TRIM14: variants seen among roughly 807,000 people sequenced by gnomAD.
TRIM14 encodes tripartite motif containing 14, also known as tripartite motif-containing protein 14.
TRIM14 carries 28 observed loss-of-function variants against 44.5 expected under a neutral mutation model. That is an observed-to-expected ratio of 0.63 (90% CI 0.47 to 0.86). The LOEUF is 0.86. Among genes scored for constraint, TRIM14 ranks in the 40% least tolerant of loss-of-function variants. The pLI is 0.00. For missense variants in TRIM14, 607 were observed against 611.1 expected, an observed-to-expected ratio of 0.99 and a Z score of 0.07; for synonymous variants, 299 against 269.2, an observed-to-expected ratio of 1.11 and a Z score of -1.08.
chr9:98,108,188 A>G (rs774530730), intron 2 of TRIM14, among the ~76,000 whole-genome samples: 6 of 150,918 alleles, frequency 4.0e-5, no homozygotes, highest in East Asian at 2.0e-4. Flanking sequence ...AACTTCCTCT[A>G]AATCTATAAA....
At chr9:98,088,392 T>C (rs1388889764) in intron 5 of TRIM14, among the ~76,000 whole-genome samples, 1 of 152,166 alleles carries the variant, frequency 6.6e-6, no homozygotes, top group African/African-American at 2.4e-5. Flanking sequence ...TCTCGCTCTG[T>C]TGCCCAGGCT....
chr9:98,098,673 C>T (rs968204471), intron 3 of TRIM14, among the ~76,000 whole-genome samples: 31 of 151,950 alleles, frequency 2.0e-4, no homozygotes, highest in Non-Finnish European at 3.8e-4. Flanking sequence ...CACTGCACTC[C>T]AGCCTGGGCG....
chr9:98,081,853 A>C (rs1191574071), downstream of TRIM14: 1 of 152,228 alleles, frequency 6.6e-6, no homozygotes, highest in African/African-American at 2.4e-5. Context: ...AGATGCATCT[A>C]TACCAGGAAA....
intron 3 of TRIM14, among the ~76,000 whole-genome samples, chr9:98,098,769 T>C (rs1036477204): frequency 6.6e-6 from 1 of 152,070 alleles, no homozygotes; most frequent in Non-Finnish European, 1.5e-5. Flanking sequence ...AATGTAGCAA[T>C]GACTATCCCT....
At chr9:98,065,283 TTTAAAGTG>T (rs1368472638), downstream of TRIM14, among the ~76,000 whole-genome samples, 1 of 151,274 alleles carries the variant, frequency 6.6e-6, no homozygotes, top group Non-Finnish European at 1.5e-5. Flanking sequence ...ATATTATTCT[TTTAAAGTG>T]TTAGTCACTC....
chr9:98,081,059 T>C (rs756625940), downstream of TRIM14: 7 of 1,614,094 alleles, frequency 4.3e-6, no homozygotes, highest in Non-Finnish European at 5.9e-6. Flanking sequence ...GCTGCTGCCC[T>C]GTGAGATGGC....
At chr9:98,044,875 G>T in the TRIM14 span, among the ~76,000 whole-genome samples, 1 of 152,142 alleles carries the variant, frequency 6.6e-6, no homozygotes, top group African/African-American at 2.4e-5. Context: ...CACTTTGGGA[G>T]GCCAAGGCGG....
At chr9:98,062,916 T>G in the TRIM14 span, among the ~76,000 whole-genome samples, 1 of 151,682 alleles carries the variant, frequency 6.6e-6, no homozygotes, top group Non-Finnish European at 1.5e-5. Flanking sequence ...TAAAAAAAGT[T>G]TCTTCAATTT....
At chr9:98,053,057 G>A in the TRIM14 span, among the ~76,000 whole-genome samples, 1 of 152,232 alleles carries the variant, frequency 6.6e-6, no homozygotes, top group South Asian at 2.1e-4. Flanking sequence ...TGGGGAAAAA[G>A]AATCAATAAA....
intron 4 of TRIM14, among the ~76,000 whole-genome samples, chr9:98,094,406 T>C (rs1048000262): frequency 6.6e-6 from 1 of 152,122 alleles, no homozygotes. Flanking sequence ...TAGCAGGACA[T>C]GGGCAGGCCC....
At chr9:98,101,973 AC>A (rs1260452576) in intron 2 of TRIM14, among the ~76,000 whole-genome samples, 2 of 146,948 alleles carry the variant, frequency 1.4e-5, no homozygotes, top group African/African-American at 5.1e-5. Context: ...AGGCCGCTGC[AC>A]CCCAGCCTGG....
chr9:98,082,887 C>T (rs1410223503), downstream of TRIM14: 11 of 1,614,182 alleles, frequency 6.8e-6, no homozygotes, highest in South Asian at 1.1e-5. Context: ...TTCCGGAAGG[C>T]ACCATTCTAA....
Position 98,085,119 on chromosome 9 carries a change from T to A in TRIM14, c.*2351A>T, listed in dbSNP as rs887421881. The A allele has an allele frequency of 6.6e-6, 1 of 152,326 alleles. No homozygotes were observed. Among genetic ancestry groups the A allele is most frequent in the African/African-American group, 2.4e-5 (1 of 41,460 alleles). 9.4% of individuals were successfully genotyped at this position (152,326 alleles called of 1,614,324 possible). Reference sequence around the variant, plus strand: ...TTCCCCTCTGGGCCATAAGGCCTCATCTCAGACCCCCAAGGAAGGCAGTCC... The same window carrying A: ...TTCCCCTCTGGGCCATAAGGCCTCAACTCAGACCCCCAAGGAAGGCAGTCC... On this transcript the variant is annotated 3_prime_UTR_variant, in exon 6 of 6. Transcript: ENST00000341469.
chr9:98,074,110 A>G (rs1057283062), intron 6 of TRIM14, among the ~76,000 whole-genome samples: 1 of 152,200 alleles, frequency 6.6e-6, no homozygotes, highest in Non-Finnish European at 1.5e-5. Context: ...TCTGAGTCGA[A>G]TAAGTTTGGG....
chr9:98,053,286 C>T, the TRIM14 span, among the ~76,000 whole-genome samples: 2 of 152,178 alleles, frequency 1.3e-5, no homozygotes, highest in Non-Finnish European at 2.9e-5. Flanking sequence ...GACATGAACC[C>T]CAAAATTCCT....
At chr9:98,061,247 G>T in the TRIM14 span, 2 of 459,304 alleles carry the variant, frequency 4.4e-6, no homozygotes, top group South Asian at 4.9e-5. Context: ...GAGACTGAGG[G>T]GGATGGATCA....
the TRIM14 span, chr9:98,056,766 G>T: frequency 6.3e-7 from 1 of 1,598,446 alleles, no homozygotes. Flanking sequence ...GGCGGCGGCC[G>T]GACCCAGACT....
At chr9:98,111,755 G>A (rs543268033) in intron 1 of TRIM14, among the ~76,000 whole-genome samples, 83 of 152,116 alleles carry the variant, frequency 5.5e-4, no homozygotes, top group African/African-American at 1.9e-3. Flanking sequence ...CCTGACCAAC[G>A]TGGAGAAACC....
chr9:98,087,485 G>A lies in TRIM14; in HGVS notation c.1314C>T (p.Ile438=), dbSNP rs747619707. Residue 438 remains isoleucine (I), a synonymous_variant, in exon 6 of 6, where the codon ATC becomes ATT. Coordinates refer to ENST00000341469, the MANE Select transcript of TRIM14 (RefSeq NM_014788.4). ...ALRLWEGAIS[I]PRLP Reference sequence around the variant, plus strand: ...GTCCTGGCCCCTAGGGCAGCCGGGGGATGCTGATGGCCCCCTCCCAGAGCC... The same window carrying A: ...GTCCTGGCCCCTAGGGCAGCCGGGGAATGCTGATGGCCCCCTCCCAGAGCC... 1 of 1,602,828 alleles carries A rather than the reference G, an allele frequency of 6.2e-7. No individual in the cohort carries two copies. Among genetic ancestry groups the A allele is most frequent in the Non-Finnish European group, 8.5e-7 (1 of 1,174,190 alleles).
Sources: gnomAD v4.1 joint callset for allele counts (sites outside exome capture counted in the v4.1 genomes callset) on GRCh38, gnomAD v4.1.1 for gene constraint, MANE v1.5 for transcripts, NCBI Gene and HGNC (gene_info 2026-07-23, HGNC 2026-07-21) for gene names.